The following VCL variants were observed in gnomAD, a reference collection of about 807,000 sequenced individuals.
VCL encodes vinculin.
A neutral mutation model predicts 125.7 loss-of-function variants in VCL; 47 were observed. The observed-to-expected ratio is 0.37, with a 90% CI of 0.30 to 0.48. VCL has a LOEUF of 0.48. Among genes scored for constraint, VCL ranks in the 20% least tolerant of loss-of-function variants. The pLI is 0.99. For missense variants in VCL, 1,069 were observed against 1,455.5 expected (o/e 0.73, Z 4.32); for synonymous variants, 458 against 514.6 (o/e 0.89, Z 1.49).
intron 15 of VCL, 34 bp from the exon 16 acceptor site, chr10:74,105,017 T>C (rs954080009): frequency 6.2e-7 from 1 of 1,611,964 alleles, no homozygotes; most frequent in Non-Finnish European, 8.5e-7. Context: ...TTCTTCTAAA[T>C]TGAAACTAAA....
chr10:74,002,372 G>A (rs986014775), intron 1 of VCL, among the ~76,000 whole-genome samples: 10 of 151,908 alleles, frequency 6.6e-5, no homozygotes, highest in African/African-American at 9.7e-5. Flanking sequence ...TTATCCGCCC[G>A]CCTCGGCCTC....
intron 1 of VCL, chr10:74,027,487 C>A (rs1198564535): frequency 3.3e-5 from 5 of 151,372 alleles, no homozygotes; most frequent in African/African-American, 4.9e-5. Flanking sequence ...ATGGTGAAAC[C>A]CCGCCTCTAC....
chr10:74,057,564 T>G (rs1841409564), intron 2 of VCL, among the ~76,000 whole-genome samples: 1 of 152,140 alleles, frequency 6.6e-6, no homozygotes, highest in African/African-American at 2.4e-5. Flanking sequence ...CCTTATATTA[T>G]GAAGGGTCTG....
rs2131946097 is a variant in VCL at position 74,119,600 on chromosome 10, A to G, written c.*1431A>G. On this transcript the variant is annotated 3_prime_UTR_variant, in exon 22 of 22. Transcript: ENST00000211998. ...AGTATTTCCCAGCACATGAAACCTT[A>G]TTTTTTCCCAAAGCCAGAACCAGAT... 6.6e-6 allele frequency: 1 copy of G among 152,274 alleles called. No homozygotes were observed. The highest frequency in any genetic ancestry group is 2.4e-5 in the African/African-American group (1 of 41,550). The allele number at this position is 152,274 out of a possible 1,614,324, so 9.4% of individuals were successfully genotyped here.
At chr10:74,100,269 C>T (rs1392636602) in intron 13 of VCL, among the ~76,000 whole-genome samples, 1 of 152,234 alleles carries the variant, frequency 6.6e-6, no homozygotes, top group Non-Finnish European at 1.5e-5. Flanking sequence ...TGCAACCTTG[C>T]ACAGTATCCC....
At chr10:74,082,428 A>G (rs1839691288) in intron 6 of VCL, 26 bp from the exon 7 acceptor site, 1 of 1,612,948 alleles carries the variant, frequency 6.2e-7, no homozygotes, top group Non-Finnish European at 8.5e-7. Context: ...TGCAAAGAAA[A>G]TAATGGTGGG....
At chr10:74,018,201 T>TATATATATAA (rs1433937715) in intron 1 of VCL, among the ~76,000 whole-genome samples, 53 of 139,788 alleles carry the variant, frequency 3.8e-4, no homozygotes, top group Middle Eastern at 3.7e-3. Context: ...TATATATATA[T>TATATATATAA]AAATACATAT....
At chr10:74,098,938 T>C (rs1379227001) in intron 13 of VCL, among the ~76,000 whole-genome samples, 4 of 152,170 alleles carry the variant, frequency 2.6e-5, no homozygotes, top group African/African-American at 9.7e-5. Context: ...AATTTGTGAG[T>C]TGTCATTGAC....
chr10:74,101,016 G>A lies in VCL; in HGVS notation c.1941G>A (p.Ala647=), dbSNP rs1840045095. ...SGKLGATAEK[A]AAVGTANKST... Reference sequence around the variant, plus strand: ...AGCTTGGTGCTACGGCCGAGAAGGCGGCTGCGGTTGGTACTGCTAATAAAT... The same window carrying A: ...AGCTTGGTGCTACGGCCGAGAAGGCAGCTGCGGTTGGTACTGCTAATAAAT... The change falls in exon 14 of 22, where the codon GCG becomes GCA. Residue 647 remains alanine, a synonymous_variant. Transcript: ENST00000211998. 2.5e-6 allele frequency: 4 copies of A among 1,613,852 alleles called. No individual in the cohort carries two copies. Among genetic ancestry groups the A allele is most frequent in the East Asian group, 2.2e-5 (1 of 44,896 alleles).
chr10:74,100,982 A>G lies in VCL; in HGVS notation c.1907A>G (p.His636Arg), dbSNP rs71579374. ...FDERAANFENHSGKLGATAEK... is the reference protein window; with the variant it reads ...FDERAANFENRSGKLGATAEK... ...GAGAGGGCAGCTAACTTTGAAAACC[A>G]TTCAGGAAAGCTTGGTGCTACGGCC... Residue 636 changes from histidine to arginine, a missense_variant, in exon 14 of 22, where the codon CAT (histidine) becomes CGT (arginine). Physicochemically the swap from His to Arg is conservative, Grantham distance 29. Coordinates refer to ENST00000211998, the MANE Select transcript of VCL (RefSeq NM_014000.3). 1.5e-3 allele frequency: 2,439 copies of G among 1,614,078 alleles called. 18 individuals carry two copies. The highest frequency in any genetic ancestry group is 1.4e-3 in the Non-Finnish European group (1,641 of 1,179,990).
intron 2 of VCL, among the ~76,000 whole-genome samples, chr10:74,053,407 A>G (rs1479745749): frequency 6.6e-6 from 1 of 152,094 alleles, no homozygotes; most frequent in African/African-American, 2.4e-5. Flanking sequence ...ATCTAGTTAT[A>G]TCACATTTCC....
intron 2 of VCL, among the ~76,000 whole-genome samples, chr10:74,068,950 A>T (rs1007485716): frequency 1.9e-4 from 29 of 152,030 alleles, no homozygotes; most frequent in African/African-American, 6.3e-4. Flanking sequence ...AATAAAATTA[A>T]AAAGAACAAA....
At chr10:74,090,764 A>G (rs186359885) in intron 10 of VCL, among the ~76,000 whole-genome samples, 213 of 151,982 alleles carry the variant, frequency 1.4e-3, no homozygotes, top group Admixed American at 2.0e-3. Context: ...TACTTTGATG[A>G]TATGGAAAAG....
chr10:74,001,852 A>G (rs1840231600), intron 1 of VCL, among the ~76,000 whole-genome samples: 2 of 152,156 alleles, frequency 1.3e-5, no homozygotes, highest in Admixed American at 6.5e-5. Flanking sequence ...AATTTCTTTC[A>G]GATTATTTAC....
chr10:74,109,489 G>A (rs1218331053), intron 18 of VCL, among the ~76,000 whole-genome samples: 1 of 152,002 alleles, frequency 6.6e-6, no homozygotes, highest in African/African-American at 2.4e-5. Context: ...AACTGCAAAT[G>A]TTTTTAGATG....
chr10:74,076,375 G>T (rs2934773), intron 6 of VCL: 98,037 of 152,544 alleles, frequency 0.64, 32,415 homozygotes, highest in African/African-American at 0.75. Flanking sequence ...GGTGCCTTCA[G>T]TTCTTTGGGT....
rs543501836 is a variant in VCL at position 74,114,339 on chromosome 10, G to C, written c.3105G>C (p.Glu1035Asp). 6.2e-7 allele frequency: 1 copy of C among 1,614,004 alleles called. No individual in the cohort carries two copies. Among genetic ancestry groups the C allele is most frequent in the Non-Finnish European group, 8.5e-7 (1 of 1,180,014 alleles). Reference protein sequence around the residue: ...ASDEVTRLAKEVAKQCTDKRI... With the variant: ...ASDEVTRLAKDVAKQCTDKRI... ...ATGAGGTGACTCGGTTGGCCAAGGA[G>C]GTTGCCAAGCAGTGCACAGATAAAC... The change falls in exon 20 of 22, where the codon GAG becomes GAC. Residue 1035 changes from glutamate to aspartate, a missense_variant. This residue lies in a region of VCL where 91 missense variants were observed against 203.9 expected (regional missense o/e 0.45). Coordinates refer to ENST00000211998, the MANE Select transcript of VCL (RefSeq NM_014000.3).
At chr10:74,008,488 A>G (rs1840360030) in intron 1 of VCL, among the ~76,000 whole-genome samples, 1 of 152,210 alleles carries the variant, frequency 6.6e-6, no homozygotes, top group South Asian at 2.1e-4. Flanking sequence ...TTAAAATTTA[A>G]TGATTTAGAC....
At chr10:74,052,437 C>T (rs1024800436) in intron 2 of VCL, among the ~76,000 whole-genome samples, 4 of 140,202 alleles carry the variant, frequency 2.9e-5, no homozygotes, top group East Asian at 4.2e-4. Flanking sequence ...AGTGCAGTAG[C>T]GTGATCTCAG....
Sources: gnomAD v4.1 joint callset for allele counts (sites outside exome capture counted in the v4.1 genomes callset) on GRCh38, gnomAD v4.1.1 for gene constraint, gnomAD v4.1.1 regional missense constraint, MANE v1.5 for transcripts, NCBI Gene and HGNC (gene_info 2026-07-23, HGNC 2026-07-21) for gene names.